The following TTC28 variants were observed in gnomAD, a reference collection of about 807,000 sequenced individuals.
TTC28 encodes tetratricopeptide repeat protein 28.
TTC28 carries 61 observed loss-of-function variants against 198.0 expected under a neutral mutation model. That is an observed-to-expected ratio of 0.31 (90% confidence interval 0.25 to 0.38). The LOEUF is 0.38. TTC28 is among the 10% of genes least tolerant of loss of function. TTC28 has a pLI of 1.00. For missense variants in TTC28, 2,678 were observed against 3,164.0 expected, an observed-to-expected ratio of 0.85 and a Z score of 3.69; for synonymous variants, 1,171 against 1,297.8, an observed-to-expected ratio of 0.90 and a Z score of 2.10.
At chr22:28,476,472 G>T (rs2048169427) in intron 2 of TTC28, among the ~76,000 whole-genome samples, 1 of 151,930 alleles carries the variant, frequency 6.6e-6, no homozygotes, top group Admixed American at 6.6e-5. Flanking sequence ...TTCCTATCTA[G>T]GAGTCAAATT....
intron 5 of TTC28, among the ~76,000 whole-genome samples, chr22:28,203,238 G>A (rs192838760): frequency 6.8e-4 from 104 of 152,136 alleles, no homozygotes; most frequent in African/African-American, 2.4e-3. Flanking sequence ...GAATCTTCTG[G>A]AGCTTGTTTC....
chr22:28,630,271 C>A (rs76977665), intron 1 of TTC28, among the ~76,000 whole-genome samples: 42 of 152,108 alleles, frequency 2.8e-4, no homozygotes, highest in African/African-American at 9.9e-4. Flanking sequence ...GATTACTCAG[C>A]CTCAGGTATT....
intron 16 of TTC28, chr22:27,997,869 AG>A (rs1937579946): frequency 6.6e-6 from 1 of 152,534 alleles, no homozygotes; most frequent in Admixed American, 6.5e-5. Context: ...GTGGGACCCC[AG>A]GGGAAGCAGG....
intron 5 of TTC28, among the ~76,000 whole-genome samples, chr22:28,227,810 G>A (rs2147220084): frequency 1.3e-5 from 2 of 152,162 alleles, no homozygotes; most frequent in East Asian, 3.9e-4. Flanking sequence ...CAGTACGGCA[G>A]TTCCTCAAAA....
chr22:28,230,588 A>G (rs916625263), intron 5 of TTC28, among the ~76,000 whole-genome samples: 3 of 152,226 alleles, frequency 2.0e-5, no homozygotes, highest in Non-Finnish European at 4.4e-5. Context: ...ATGCCATGCC[A>G]GATTCATCCA....
At chr22:28,392,832 C>T (rs1223482255) in intron 2 of TTC28, among the ~76,000 whole-genome samples, 3 of 148,698 alleles carry the variant, frequency 2.0e-5, no homozygotes, top group South Asian at 4.3e-4. Context: ...AGCTGTAGAC[C>T]GGAGCTGCTC....
chr22:28,470,766 C>A (rs576182832), intron 2 of TTC28, among the ~76,000 whole-genome samples: 219 of 152,200 alleles, frequency 1.4e-3, no homozygotes, highest in African/African-American at 4.9e-3. Context: ...CGTAAAACAG[C>A]CGTCTGAGAA....
intron 2 of TTC28, among the ~76,000 whole-genome samples, chr22:28,381,564 T>C (rs1302009425): frequency 6.6e-6 from 1 of 152,146 alleles, no homozygotes; most frequent in Non-Finnish European, 1.5e-5. Context: ...AATGTTAGTA[T>C]AGAGAATGAT....
At chr22:28,350,653 C>T (rs1441260656) in intron 2 of TTC28, among the ~76,000 whole-genome samples, 1 of 152,092 alleles carries the variant, frequency 6.6e-6, no homozygotes, top group Non-Finnish European at 1.5e-5. Context: ...TGCACGCACA[C>T]GCACACAAGC....
At chr22:28,582,474 C>T (rs1376310845) in intron 2 of TTC28, among the ~76,000 whole-genome samples, 1 of 151,934 alleles carries the variant, frequency 6.6e-6, no homozygotes, top group African/African-American at 2.4e-5. Flanking sequence ...TTAAGGAGGA[C>T]TAAAGACACC....
intron 2 of TTC28, among the ~76,000 whole-genome samples, chr22:28,459,347 C>T (rs955095297): frequency 6.6e-6 from 1 of 152,030 alleles, no homozygotes; most frequent in Non-Finnish European, 1.5e-5. Context: ...GGGAGGATCA[C>T]TTGATCCCCA....
At chr22:28,240,084 A>G (rs1929559880) in intron 5 of TTC28, among the ~76,000 whole-genome samples, 1 of 152,272 alleles carries the variant, frequency 6.6e-6, no homozygotes, top group Non-Finnish European at 1.5e-5. Context: ...AATGAGTAAT[A>G]GAATCATATT....
At chr22:28,203,036 T>C (rs1264073556) in intron 5 of TTC28, among the ~76,000 whole-genome samples, 1 of 152,218 alleles carries the variant, frequency 6.6e-6, no homozygotes, top group Non-Finnish European at 1.5e-5. Flanking sequence ...TAAAAATGGA[T>C]AGTTTTGTTT....
intron 2 of TTC28, among the ~76,000 whole-genome samples, chr22:28,340,634 A>C (rs1260912421): frequency 6.6e-6 from 1 of 152,188 alleles, no homozygotes; most frequent in Non-Finnish European, 1.5e-5. Flanking sequence ...TAATGAACTT[A>C]TTGCCAAATG....
intron 16 of TTC28, chr22:27,998,235 G>T (rs1937585815): frequency 8.5e-6 from 4 of 471,856 alleles, no homozygotes; most frequent in African/African-American, 5.8e-5. Context: ...CCTTTCTACA[G>T]TCATGGGTTA....
At chr22:28,109,537 CCAAA>C (rs1179377315) in intron 6 of TTC28, among the ~76,000 whole-genome samples, 1 of 152,206 alleles carries the variant, frequency 6.6e-6, no homozygotes, top group Non-Finnish European at 1.5e-5. Flanking sequence ...TAACAGTGCT[CCAAA>C]CAAACCTCAT....
At chr22:28,188,475 C>T (rs900672111) in intron 5 of TTC28, among the ~76,000 whole-genome samples, 2 of 152,032 alleles carry the variant, frequency 1.3e-5, no homozygotes, top group African/African-American at 4.8e-5. Flanking sequence ...GGTCTGAAAA[C>T]AGAGGATAGA....
intron 14 of TTC28, chr22:28,008,443 T>C (rs1216625128): frequency 6.6e-6 from 1 of 152,248 alleles, no homozygotes; most frequent in Non-Finnish European, 1.5e-5. Context: ...ACTCCACACT[T>C]CATGAATCAC....
intron 12 of TTC28, among the ~76,000 whole-genome samples, chr22:28,035,915 G>A (rs1939322267): frequency 6.6e-6 from 1 of 152,174 alleles, no homozygotes; most frequent in Non-Finnish European, 1.5e-5. Context: ...TGGTTAAAGG[G>A]ATCAAGTCAA....
Sources: allele counts gnomAD v4.1 joint callset (sites outside exome capture counted in the v4.1 genomes callset), GRCh38; gene constraint gnomAD v4.1.1; transcripts MANE v1.5; gene names NCBI Gene and HGNC (gene_info 2026-07-23, HGNC 2026-07-21).